ATRN: variants seen among roughly 807,000 people sequenced by gnomAD.
The protein encoded by ATRN is attractin-2.
Under a neutral mutation model 178.7 loss-of-function variants are expected in ATRN, and 54 were observed. The ratio of observed to expected loss-of-function variants is 0.30; its 90% CI spans 0.24 to 0.38. The LOEUF is 0.38. Ranked by LOEUF, ATRN falls within the 10% of genes least tolerant of loss-of-function variation. The probability of loss-of-function intolerance (pLI) is 1.00; values close to 1 mark genes in which losing one functional copy is unlikely to be tolerated. For missense variants in ATRN, 1,443 were observed against 1,815.1 expected (o/e 0.79, Z 3.73); for synonymous variants, 636 against 663.0 (o/e 0.96, Z 0.63).
chr20:3,475,087 G>A (rs2084506052), intron 1 of ATRN, among the ~76,000 whole-genome samples: 1 of 151,404 alleles, frequency 6.6e-6, no homozygotes, highest in South Asian at 2.1e-4. Flanking sequence ...GGGCAAGAGT[G>A]AAATGTTGGT....
chr20:3,527,585 G>T (rs1409062500), intron 1 of ATRN, among the ~76,000 whole-genome samples: 1 of 152,162 alleles, frequency 6.6e-6, no homozygotes, highest in Non-Finnish European at 1.5e-5. Context: ...ATACCCAAAG[G>T]ATTATAAATC....
At chr20:3,512,107 A>ATATATTTTTTT in intron 1 of ATRN, among the ~76,000 whole-genome samples, 4 of 106,394 alleles carry the variant, frequency 3.8e-5, no homozygotes, top group African/African-American at 1.3e-4. Context: ...ATATATATAT[A>ATATATTTTTTT]TTTTTTTTTT....
chr20:3,599,500 T>C (rs989600317), intron 22 of ATRN, among the ~76,000 whole-genome samples: 1 of 152,200 alleles, frequency 6.6e-6, no homozygotes, highest in African/African-American at 2.4e-5. Context: ...CACAAGCATT[T>C]TAAGTTTATT....
At chr20:3,540,867 A>G (rs974716602) in intron 3 of ATRN, among the ~76,000 whole-genome samples, 2 of 152,148 alleles carry the variant, frequency 1.3e-5, no homozygotes, top group African/African-American at 4.8e-5. Context: ...AGAAATGAGG[A>G]ACATACTTAT....
chr20:3,630,600 C>T (rs982296044), intron 25 of ATRN, among the ~76,000 whole-genome samples: 4 of 152,170 alleles, frequency 2.6e-5, no homozygotes, highest in South Asian at 2.1e-4. Context: ...CAAGTACGTA[C>T]AGCCTGGTGA....
At chr20:3,485,612 T>TTTTTTTTTTTG (rs2084680898) in intron 1 of ATRN, among the ~76,000 whole-genome samples, 1 of 31,072 alleles carries the variant, frequency 3.2e-5, no homozygotes, top group African/African-American at 1.6e-4. Flanking sequence ...TTTTTGAGGT[T>TTTTTTTTTTTG]TTTTTTTTTT....
intron 24 of ATRN, among the ~76,000 whole-genome samples, chr20:3,612,518 C>T (rs1422920776): frequency 1.3e-5 from 2 of 152,108 alleles, no homozygotes; most frequent in African/African-American, 2.4e-5. Flanking sequence ...TTAGAATTCT[C>T]CCTGCTGTAG....
chr20:3,479,636 G>T (rs908136020), intron 1 of ATRN, among the ~76,000 whole-genome samples: 3 of 152,162 alleles, frequency 2.0e-5, no homozygotes, highest in African/African-American at 7.2e-5. Context: ...CAAACTCATG[G>T]CATAAAACAA....
At chr20:3,642,438 G>A (rs2087076556) in intron 27 of ATRN, among the ~76,000 whole-genome samples, 1 of 152,184 alleles carries the variant, frequency 6.6e-6, no homozygotes. Flanking sequence ...CAAAATCGTG[G>A]AATTGTTCTT....
In ATRN at chr20:3,540,301, G is replaced by T; in HGVS notation, c.574G>T (p.Asp192Tyr). 6.2e-7 allele frequency: 1 copy of T among 1,610,304 alleles called. No homozygotes were observed. Among genetic ancestry groups the T allele is most frequent in the Non-Finnish European group, 8.5e-7 (1 of 1,177,952 alleles). Residue 192 changes from aspartate to tyrosine, a missense_variant, in exon 3 of 29, where the codon GAC becomes TAC. Physicochemically the swap from Asp to Tyr is radical, Grantham distance 160. Around this residue, in one of 4 missense-constraint regions of ATRN, gnomAD observed 862 missense variants for 972.1 expected, o/e 0.89. Transcript: ENST00000262919. ...SWDHLYVYDG[D>Y]SIYAPLVAAF... ...GGACCATTTATATGTTTATGATGGG[G>T]ACTCAATTTATGCACCGCTAGTTGC... is the stretch of plus-strand genomic sequence containing the variant.
At chr20:3,476,930 T>C (rs954872239) in intron 1 of ATRN, among the ~76,000 whole-genome samples, 6 of 152,276 alleles carry the variant, frequency 3.9e-5, no homozygotes, top group Admixed American at 2.6e-4. Context: ...TTTCTTATAG[T>C]AATTACTAAG....
At chr20:3,532,292 G>A (rs2085465181) in intron 1 of ATRN, among the ~76,000 whole-genome samples, 1 of 152,218 alleles carries the variant, frequency 6.6e-6, no homozygotes, top group African/African-American at 2.4e-5. Context: ...AAGAATCAAG[G>A]AAGTGTGTAC....
intron 1 of ATRN, among the ~76,000 whole-genome samples, chr20:3,486,679 A>G (rs886773401): frequency 2.0e-5 from 3 of 152,088 alleles, no homozygotes; most frequent in African/African-American, 7.2e-5. Flanking sequence ...ACCACACCAA[A>G]CCATTCTGGT....
chr20:3,501,629 G>T (rs1240490081), intron 1 of ATRN, among the ~76,000 whole-genome samples: 1 of 152,184 alleles, frequency 6.6e-6, no homozygotes, highest in African/African-American at 2.4e-5. Context: ...CTGCTTGAAG[G>T]CTTTGGAAAG....
At chr20:3,489,340 A>G (rs546899176) in intron 1 of ATRN, among the ~76,000 whole-genome samples, 2 of 152,308 alleles carry the variant, frequency 1.3e-5, no homozygotes, top group East Asian at 3.9e-4. Flanking sequence ...AGAATCTTTT[A>G]AAATATAAAA....
At chr20:3,492,874 C>T (rs1209238703) in intron 1 of ATRN, among the ~76,000 whole-genome samples, 10 of 91,164 alleles carry the variant, frequency 1.1e-4, no homozygotes, top group African/African-American at 3.3e-4. Context: ...CGCGTGCGCA[C>T]GCACACACAC....
chr20:3,473,163 T>C (rs73893003), intron 1 of ATRN, among the ~76,000 whole-genome samples: 7,778 of 152,288 alleles, frequency 0.051, 604 homozygotes, highest in African/African-American at 0.17. Flanking sequence ...ACAGGCACAG[T>C]CCTGCTCTTA....
At chr20:3,562,185 A>G in intron 8 of ATRN, 91 bp from the exon 9 acceptor site, 5 of 1,101,244 alleles carry the variant, frequency 4.5e-6, no homozygotes, top group Non-Finnish European at 6.6e-6. Flanking sequence ...GTCTCCTGAA[A>G]TCCATTCTCA....
At chr20:3,621,418 CAG>C (rs1416515982) in intron 24 of ATRN, among the ~76,000 whole-genome samples, 1 of 152,176 alleles carries the variant, frequency 6.6e-6, no homozygotes, top group East Asian at 1.9e-4. Flanking sequence ...CTTCCGAGTT[CAG>C]AGTTTTTCAG....
Sources: allele counts gnomAD v4.1 joint callset (sites outside exome capture counted in the v4.1 genomes callset), GRCh38; gene constraint gnomAD v4.1.1; regional missense constraint gnomAD v4.1.1; transcripts MANE v1.5; gene names NCBI Gene and HGNC (gene_info 2026-07-23, HGNC 2026-07-21).